Variants in CIBAR2 observed in about 807,000 individuals in gnomAD.
CIBAR2 encodes CBY1 interacting BAR domain containing 2.
A neutral mutation model predicts 36.2 loss-of-function variants in CIBAR2; 38 were observed. The ratio of observed to expected loss-of-function variants is 1.05; its 90% CI spans 0.81 to 1.38. The LOEUF (loss-of-function observed/expected upper bound fraction) is 1.38. Ranked by LOEUF, CIBAR2 falls within the 40% of genes most tolerant of loss-of-function variation. The probability of loss-of-function intolerance (pLI) is 0.00; values close to 1 mark genes in which losing one functional copy is unlikely to be tolerated. For missense variants in CIBAR2, 481 were observed against 383.4 expected, an observed-to-expected ratio of 1.25 and a Z score of -2.13; for synonymous variants, 182 against 149.5, an observed-to-expected ratio of 1.22 and a Z score of -1.58.
chr16:85,105,271 T>TGC (rs1158089755), intron 6 of CIBAR2, 56 bp downstream of exon 6: 7 of 1,028,724 alleles, frequency 6.8e-6, no homozygotes, highest in Non-Finnish European at 1.1e-5. Context: ...CACACGTGCA[T>TGC]GCACACACAC....
intron 7 of CIBAR2, among the ~76,000 whole-genome samples, chr16:85,101,513 C>A (rs1436900647): frequency 5.9e-5 from 9 of 152,114 alleles, no homozygotes; most frequent in Non-Finnish European, 1.3e-4. Flanking sequence ...CTTTACAATA[C>A]TAGGCTTGCG....
intron 5 of CIBAR2, among the ~76,000 whole-genome samples, chr16:85,105,844 G>A (rs1398925548): frequency 1.3e-5 from 2 of 152,156 alleles, no homozygotes; most frequent in African/African-American, 2.4e-5. Flanking sequence ...TAACTCTTTC[G>A]TTCCTTTGAT....
chr16:85,100,775 C>A (rs527272563), intron 7 of CIBAR2, among the ~76,000 whole-genome samples: 3 of 152,154 alleles, frequency 2.0e-5, no homozygotes, highest in Non-Finnish European at 4.4e-5. Flanking sequence ...GTGCCGGGCG[C>A]GGTGGCTCAC....
intron 2 of CIBAR2, among the ~76,000 whole-genome samples, chr16:85,108,520 A>G (rs2074015856): frequency 1.3e-5 from 2 of 152,218 alleles, no homozygotes; most frequent in Admixed American, 1.3e-4. Context: ...GGTGGCGATG[A>G]CAAACCCACT....
In CIBAR2 at chr16:85,110,384, C is replaced by G. The variant is rs530041314; in HGVS notation, c.97G>C (p.Ala33Pro). ...KYFGQFCSLL[A>P]AYTRKTARLR... Reference sequence around the variant, plus strand: ...CGGGCCGTCTTGCGCGTGTAGGCGGCCAGCAGCGAGCAGAACTGCCCAAAG... The same window carrying G: ...CGGGCCGTCTTGCGCGTGTAGGCGGGCAGCAGCGAGCAGAACTGCCCAAAG... Residue 33 changes from alanine (A) to proline (P), a missense_variant, in exon 2 of 9, where the codon GCC becomes CCC. Transcript: ENST00000539556. 1.4e-5 allele frequency: 23 copies of G among 1,613,428 alleles called. No homozygotes were observed. In the South Asian group the frequency reaches 1.9e-4, roughly 13 times the overall value.
chr16:85,112,438 G>C lies in CIBAR2; in HGVS notation c.-86C>G, dbSNP rs929327096. On this transcript the variant is annotated 5_prime_UTR_variant, in exon 1 of 9. Coordinates refer to ENST00000539556, the MANE Select transcript of CIBAR2 (RefSeq NM_198491.3). The stretch of plus-strand genomic sequence containing the variant: ...GCAGGCCTGGGAGGAGCCGGGCAGG[G>C]CTGGGTGCAGCTGTGTGGCCTGGGC... 1 of 1,344,184 alleles carries C rather than the reference G, an allele frequency of 7.4e-7. No homozygotes were observed. The highest frequency in any genetic ancestry group is 1.4e-5 in the African/African-American group (1 of 69,142). 83.3% of individuals were successfully genotyped at this position (1,344,184 alleles called of 1,614,324 possible).
At chr16:85,100,929 C>T (rs1209729785) in intron 7 of CIBAR2, among the ~76,000 whole-genome samples, 1 of 152,162 alleles carries the variant, frequency 6.6e-6, no homozygotes, top group Non-Finnish European at 1.5e-5. Flanking sequence ...CGCCTGTAGT[C>T]CCAGCTACTC....
At chr16:85,100,355 G>T (rs1328769940) in intron 7 of CIBAR2, 115 bp from the exon 8 acceptor site, 1 of 633,906 alleles carries the variant, frequency 1.6e-6, no homozygotes, top group Non-Finnish European at 2.9e-6. Context: ...AATGCTCATG[G>T]AACTCCACGG....
chr16:85,105,471 G>A (rs368500243), intron 5 of CIBAR2, 40 bp from the exon 6 acceptor site: 44 of 1,479,720 alleles, frequency 3.0e-5, no homozygotes, highest in Non-Finnish European at 3.7e-5. Context: ...TGTCATGGGG[G>A]TGCTTCTGGC....
At position 85,110,243 on chromosome 16, in the gene CIBAR2, C is replaced by G. The variant is rs747779481; in HGVS notation, c.238G>C (p.Asp80His). 1 of 1,576,282 alleles carries G rather than the reference C, an allele frequency of 6.3e-7. No homozygotes were observed. The highest frequency in any genetic ancestry group is 2.3e-5 in the East Asian group (1 of 44,264). ...GCACTCACCTGGGCCTGCCGGTAAT[C>G]CTGCACTTTGGCCAGGTCCTCAGCG... ...GFAEDLAKVQ[D>H]YRQAQVERLE... The change falls in exon 2 of 9, where the codon GAT becomes CAT. Residue 80 changes from aspartate (D) to histidine (H), a missense_variant. Coordinates refer to ENST00000539556, the MANE Select transcript of CIBAR2 (RefSeq NM_198491.3).
In CIBAR2 at chr16:85,099,216, C is replaced by T. The variant is rs2073934372; in HGVS notation, c.884G>A (p.Gly295Glu). 1.2e-6 allele frequency: 2 copies of T among 1,600,926 alleles called. No homozygotes were observed. Among genetic ancestry groups the T allele is most frequent in the Admixed American group, 1.7e-5 (1 of 57,496 alleles). ...AGAATGTCCTGGAAGCATGAGATGCCCACCCTGCCCACACACACAGTGGGC... is the reference window on the plus strand; with the variant it reads ...AGAATGTCCTGGAAGCATGAGATGCTCACCCTGCCCACACACACAGTGGGC... Reference protein sequence around the residue: ...QPAHCVCGQGGHLMLPGHSL With the variant: ...QPAHCVCGQGEHLMLPGHSL The change falls in exon 9 of 9, where the codon GGG becomes GAG. Residue 295 changes from glycine (G) to glutamate (E), a missense_variant. Gly to Glu is a moderately conservative substitution (Grantham distance 98). Transcript: ENST00000539556.
At chr16:85,109,738 G>A (rs1464374064) in intron 2 of CIBAR2, among the ~76,000 whole-genome samples, 4 of 152,316 alleles carry the variant, frequency 2.6e-5, no homozygotes, top group Middle Eastern at 3.4e-3. Context: ...GGCTCAGACA[G>A]TCTGTCCACC....
At position 85,099,106 on chromosome 16, in the gene CIBAR2, G is replaced by T. The variant is rs2073933190; in HGVS notation, c.*79C>A. The T allele has an allele frequency of 6.3e-6, 9 of 1,425,890 alleles. No homozygotes were observed. The highest frequency in any genetic ancestry group is 2.6e-5 in the Admixed American group (1 of 37,894). 88.3% of individuals were successfully genotyped at this position (1,425,890 alleles called of 1,614,324 possible). On this transcript the variant is annotated 3_prime_UTR_variant, in exon 9 of 9. Coordinates refer to ENST00000539556, the MANE Select transcript of CIBAR2 (RefSeq NM_198491.3). Reference sequence around the variant, plus strand: ...CAATCCAACAAAGACAAAGAAAAAAGAATCAGAAAATAAGAACAAAGCCTC... The same window carrying T: ...CAATCCAACAAAGACAAAGAAAAAATAATCAGAAAATAAGAACAAAGCCTC...
rs1470126845 is a variant in CIBAR2, at chr16:85,110,290, A to G, written c.191T>C (p.Leu64Pro). Reference protein sequence around the residue: ...IDFANSENPELRATMRGFAED... With the variant: ...IDFANSENPEPRATMRGFAED... ...AGCGAAGCCCCTCATGGTGGCCCGC[A>G]GCTCGGGGTTCTCGGAGTTGGCAAA... The change falls in exon 2 of 9, where the codon CTG becomes CCG. Residue 64 changes from leucine (L) to proline (P), a missense_variant. By Grantham distance (98) the Leu-to-Pro change is moderately conservative. Transcript: ENST00000539556. 1.2e-6 allele frequency: 2 copies of G among 1,609,674 alleles called. No individual in the cohort carries two copies. Among genetic ancestry groups the G allele is most frequent in the Non-Finnish European group, 1.7e-6 (2 of 1,177,394 alleles).
chr16:85,101,805 G>T (rs1305475136), intron 7 of CIBAR2, among the ~76,000 whole-genome samples: 1 of 152,050 alleles, frequency 6.6e-6, no homozygotes, highest in East Asian at 1.9e-4. Context: ...GAGTAGCTGG[G>T]ATTGCAGGTG....
chr16:85,104,857 G>T (rs1045456867), intron 6 of CIBAR2, among the ~76,000 whole-genome samples: 2 of 152,200 alleles, frequency 1.3e-5, no homozygotes, highest in African/African-American at 2.4e-5. Context: ...TTTTGTAAGA[G>T]CTGGGGCTCT....
At chr16:85,108,570 C>T (rs1387499425) in intron 2 of CIBAR2, among the ~76,000 whole-genome samples, 10 of 152,176 alleles carry the variant, frequency 6.6e-5, no homozygotes. Flanking sequence ...GGGGACAAGA[C>T]TTTATTGAGA....
At chr16:85,108,242 C>G in intron 2 of CIBAR2, 143 bp from the exon 3 acceptor site, 1 of 739,208 alleles carries the variant, frequency 1.4e-6, no homozygotes, top group Non-Finnish European at 2.2e-6. Context: ...CCTCCCTTTT[C>G]CCGGTGTGTT....
chr16:85,099,620 C>T (rs1210525016), intron 8 of CIBAR2, among the ~76,000 whole-genome samples: 1 of 148,642 alleles, frequency 6.7e-6, no homozygotes, highest in East Asian at 2.0e-4. Flanking sequence ...TTCATTGATT[C>T]TACTTTTTTT....
Sources: allele counts gnomAD v4.1 joint callset (sites outside exome capture counted in the v4.1 genomes callset), GRCh38; gene constraint gnomAD v4.1.1; transcripts MANE v1.5; gene names NCBI Gene and HGNC (gene_info 2026-07-23, HGNC 2026-07-21).